Variants in FAM53A observed in about 807,000 individuals in gnomAD.
FAM53A encodes the protein family with sequence similarity 53 member A.
FAM53A carries 28 observed loss-of-function variants against 26.6 expected under a neutral mutation model. That is an observed-to-expected ratio of 1.05 (90% confidence interval 0.78 to 1.45). The LOEUF (loss-of-function observed/expected upper bound fraction) is 1.45. FAM53A is among the 40% of genes most tolerant of loss of function. The pLI is 0.00. For missense variants in FAM53A, 650 were observed against 575.8 expected, an observed-to-expected ratio of 1.13 and a Z score of -1.32; for synonymous variants, 290 against 253.1, an observed-to-expected ratio of 1.15 and a Z score of -1.38.
chr4:1,578,294 A>G, the FAM53A span, among the ~76,000 whole-genome samples: 3 of 152,314 alleles, frequency 2.0e-5, no homozygotes, highest in African/African-American at 7.2e-5. Flanking sequence ...ACCAATAATT[A>G]AGCAGCCACT....
chr4:1,647,269 AG>A (rs1487105064), intron 4 of FAM53A, among the ~76,000 whole-genome samples: 1 of 150,584 alleles, frequency 6.6e-6, no homozygotes, highest in African/African-American at 2.4e-5. Context: ...TGGGAGGCAG[AG>A]GTTGCAGTTA....
chr4:1,681,697 C>G (rs548664304), intron 1 of FAM53A, among the ~76,000 whole-genome samples: 3 of 151,844 alleles, frequency 2.0e-5, no homozygotes, highest in Admixed American at 6.6e-5. Context: ...AAATGGGGGT[C>G]TCACTATGTT....
chr4:1,661,638 C>A (rs1713844807), intron 2 of FAM53A, among the ~76,000 whole-genome samples: 1 of 151,618 alleles, frequency 6.6e-6, no homozygotes, highest in African/African-American at 2.4e-5. Context: ...CTTTGCCCAC[C>A]CCAACATTAA....
intron 1 of FAM53A, among the ~76,000 whole-genome samples, chr4:1,678,891 T>C (rs759752954): frequency 1.3e-4 from 20 of 151,832 alleles, no homozygotes; most frequent in Non-Finnish European, 2.5e-4. Context: ...AGACCTAAAG[T>C]AAAAGGCAAA....
chr4:1,588,179 G>A, the FAM53A span, among the ~76,000 whole-genome samples: 50 of 152,320 alleles, frequency 3.3e-4, no homozygotes, highest in African/African-American at 8.2e-4. Context: ...GGTCTGGTGC[G>A]TCCTTCCTCA....
chr4:1,600,692 T>C, the FAM53A span, among the ~76,000 whole-genome samples: 1 of 152,304 alleles, frequency 6.6e-6, no homozygotes, highest in Admixed American at 6.5e-5. Flanking sequence ...GATCTTGCTT[T>C]GTCGTCCAGG....
the FAM53A span, among the ~76,000 whole-genome samples, chr4:1,579,905 A>G: frequency 6.6e-6 from 1 of 152,254 alleles, no homozygotes; most frequent in South Asian, 2.1e-4. Flanking sequence ...CCGCTCCTGC[A>G]GCCGGAAGAT....
intron 4 of FAM53A, among the ~76,000 whole-genome samples, chr4:1,649,238 A>AGG: frequency 6.6e-6 from 1 of 150,930 alleles, no homozygotes; most frequent in African/African-American, 2.5e-5. Flanking sequence ...AGGGGAGGAA[A>AGG]GAAAAGGAAA....
the FAM53A span, among the ~76,000 whole-genome samples, chr4:1,600,945 A>ACCAGCCCTGCCCCAGGGC: frequency 6.6e-6 from 1 of 152,128 alleles, no homozygotes; most frequent in Non-Finnish European, 1.5e-5. Context: ...GGACATGGCG[A>ACCAGCCCTGCCCCAGGGC]CCAGCCCTGC....
At chr4:1,629,317 G>A (rs138206578) in intron 1 of FAM53A, among the ~76,000 whole-genome samples, 2 of 152,304 alleles carry the variant, frequency 1.3e-5, no homozygotes, top group Non-Finnish European at 2.9e-5. Context: ...GCCACCCAGC[G>A]GCCTCCAGGG....
At chr4:1,642,199 C>A (rs1469821164) in intron 4 of FAM53A, among the ~76,000 whole-genome samples, 1 of 152,218 alleles carries the variant, frequency 6.6e-6, no homozygotes, top group Non-Finnish European at 1.5e-5. Context: ...TGCACCTCCT[C>A]CCCTAATAGT....
intron 1 of FAM53A, among the ~76,000 whole-genome samples, chr4:1,618,763 G>A (rs1714903723): frequency 6.6e-6 from 1 of 152,170 alleles, no homozygotes; most frequent in East Asian, 1.9e-4. Flanking sequence ...CAGCCATGCG[G>A]GCCTGTGTGC....
chr4:1,602,794 AG>A, the FAM53A span, among the ~76,000 whole-genome samples: 1 of 152,216 alleles, frequency 6.6e-6, no homozygotes, highest in Non-Finnish European at 1.5e-5. Flanking sequence ...CACCGTGGGA[AG>A]GAGGTCCACT....
intron 1 of FAM53A, among the ~76,000 whole-genome samples, chr4:1,619,773 G>A (rs748356740): frequency 4.6e-5 from 7 of 152,282 alleles, no homozygotes; most frequent in African/African-American, 9.6e-5. Context: ...GGTTCACGGC[G>A]TCCACACGCA....
chr4:1,606,744 G>C, the FAM53A span, among the ~76,000 whole-genome samples: 1 of 152,198 alleles, frequency 6.6e-6, no homozygotes, highest in African/African-American at 2.4e-5. Context: ...CCCCTGTGTA[G>C]CGTTCCCCTG....
the FAM53A span, among the ~76,000 whole-genome samples, chr4:1,604,161 G>A: frequency 1.3e-5 from 2 of 152,226 alleles, no homozygotes; most frequent in Non-Finnish European, 2.9e-5. Flanking sequence ...TTCTGCCCCC[G>A]GGAAGGGGCT....
the FAM53A span, among the ~76,000 whole-genome samples, chr4:1,576,074 C>T: frequency 1.3e-5 from 2 of 152,292 alleles, no homozygotes; most frequent in African/African-American, 2.4e-5. Context: ...TGGGTTTGAT[C>T]GGCCCGTGCA....
chr4:1,586,749 C>A, the FAM53A span, among the ~76,000 whole-genome samples: 3 of 149,206 alleles, frequency 2.0e-5, no homozygotes, highest in African/African-American at 7.4e-5. Context: ...CGCCACTGCA[C>A]TCCAGCCTGG....
chr4:1,638,733 G>A (rs576233889), downstream of FAM53A, among the ~76,000 whole-genome samples: 3 of 151,410 alleles, frequency 2.0e-5, no homozygotes, highest in South Asian at 2.1e-4. Flanking sequence ...ACATCCCCTC[G>A]CTCCCACACA....
Sources: allele counts gnomAD v4.1 joint callset (sites outside exome capture counted in the v4.1 genomes callset), GRCh38; gene constraint gnomAD v4.1.1; transcripts MANE v1.5; gene names NCBI Gene and HGNC (gene_info 2026-07-23, HGNC 2026-07-21).